RPS5: variants seen among roughly 807,000 people sequenced by gnomAD.
RPS5 encodes the protein small ribosomal subunit protein uS7.
Under a neutral mutation model 20.9 loss-of-function variants are expected in RPS5, and 2 were observed. That is an observed-to-expected ratio of 0.10 (90% CI 0.04 to 0.30). The LOEUF (loss-of-function observed/expected upper bound fraction) is 0.30. Ranked by LOEUF, RPS5 falls within the 10% of genes least tolerant of loss-of-function variation. RPS5 has a pLI of 1.00. For missense variants in RPS5, 122 were observed against 287.2 expected (o/e 0.42, Z 4.16); for synonymous variants, 112 against 105.8 (o/e 1.06, Z -0.36).
At chr19:58,394,179 T>A in intron 4 of RPS5, 1 of 313,502 alleles carries the variant, frequency 3.2e-6, no homozygotes, top group East Asian at 6.9e-5. Context: ...TCAAACTCCC[T>A]GCCAAAGTGT....
chr19:58,388,271 T>C, intron 2 of RPS5, 26 bp downstream of exon 2: 5 of 1,515,462 alleles, frequency 3.3e-6, no homozygotes, highest in Non-Finnish European at 4.6e-6. Context: ...TGATTGGCCT[T>C]CCTGGCTGGG....
At position 58,393,883 on chromosome 19, in the gene RPS5, CGTT is replaced by C. The variant is rs973248342; in HGVS notation, c.447+400_447+402del. ...AGGAATTTATATTCACAGCAATAGT[CGTT>C]GTTCCATTTAGCATCTGTCCCCAGA... is the stretch of plus-strand genomic sequence containing the variant. On this transcript the variant is annotated intron_variant, in intron 4 of 5. Transcript: ENST00000196551. 11 of 194,862 alleles carry C rather than the reference CGTT, an allele frequency of 5.6e-5. No individual in the cohort carries two copies. The East Asian group carries it at 8.0e-4, about 14-fold the overall frequency. The allele number at this position is 194,862 out of a possible 1,614,324, so 12.1% of individuals were successfully genotyped here. A position where few individuals can be genotyped will look rare whatever the true frequency, so the allele number is the denominator to read the frequency against.
rs1353905715 is a variant in RPS5, at chr19:58,393,112, A to G, written c.245A>G (p.Asn82Ser). 2 of 1,614,272 alleles carry G rather than the reference A, an allele frequency of 1.2e-6. No individual in the cohort carries two copies. Among genetic ancestry groups the G allele is most frequent in the Non-Finnish European group, 1.7e-6 (2 of 1,180,046 alleles). ...AACTCCATGATGATGCACGGCCGCAACAACGGCAAGAAGCTCATGACTGTG... is the reference window on the plus strand; with the variant it reads ...AACTCCATGATGATGCACGGCCGCAGCAACGGCAAGAAGCTCATGACTGTG... ...LTNSMMMHGR[N>S]NGKKLMTVRI... The change falls in exon 3 of 6, where the codon AAC (asparagine) becomes AGC (serine). Residue 82 changes from asparagine (N) to serine (S), a missense_variant. Asn to Ser is a conservative substitution (Grantham distance 46). Coordinates refer to ENST00000196551, the MANE Select transcript of RPS5 (RefSeq NM_001009.4).
At chr19:58,393,567 C>T in intron 4 of RPS5, 80 bp downstream of exon 4, 4 of 1,524,188 alleles carry the variant, frequency 2.6e-6, no homozygotes, top group South Asian at 1.2e-5. Flanking sequence ...CAGGAAGGCT[C>T]CTCTCTGTCT....
intron 4 of RPS5, 188 bp downstream of exon 4, chr19:58,393,675 C>T: frequency 1.5e-6 from 1 of 649,972 alleles, no homozygotes; most frequent in Non-Finnish European, 2.6e-6. Flanking sequence ...TTCGGGAACA[C>T]ATTTGGCAGA....
At chr19:58,393,524 C>T (rs1298204381) in intron 4 of RPS5, 37 bp downstream of exon 4, 3 of 1,583,468 alleles carry the variant, frequency 1.9e-6, no homozygotes, top group South Asian at 1.1e-5. Flanking sequence ...AGGGTGGACA[C>T]AGCCACGGGA....
intron 2 of RPS5, chr19:58,388,521 C>T (rs1345168641): frequency 2.0e-6 from 1 of 507,412 alleles, no homozygotes; most frequent in Non-Finnish European, 3.5e-6. Context: ...ACATAACATC[C>T]AGTGTCATTC....
chr19:58,394,252 G>C (rs1599935543), intron 4 of RPS5: 1 of 527,304 alleles, frequency 1.9e-6, no homozygotes, highest in African/African-American at 1.9e-5. Context: ...CCGTCTAGCA[G>C]TTTGCTGTTG....
intron 2 of RPS5, among the ~76,000 whole-genome samples, chr19:58,391,637 A>C (rs2052364651): frequency 6.6e-6 from 1 of 151,140 alleles, no homozygotes; most frequent in African/African-American, 2.4e-5. Flanking sequence ...AAAACAAAAA[A>C]GTTCTCAGCC....
intron 2 of RPS5, 92 bp from the exon 3 acceptor site, chr19:58,392,884 G>A (rs756082801): frequency 1.6e-4 from 192 of 1,217,164 alleles, no homozygotes; most frequent in Admixed American, 2.4e-4. Context: ...GGACTACCCC[G>A]AATGGGTACT....
intron 4 of RPS5, 143 bp downstream of exon 4, chr19:58,393,630 C>T (rs938636558): frequency 2.1e-5 from 23 of 1,072,250 alleles, no homozygotes; most frequent in Non-Finnish European, 2.9e-5. Flanking sequence ...TGGATTCCCA[C>T]CCTGCATAGG....
rs1240155240 is a variant in RPS5, at chr19:58,388,252, G to A, written c.108+7G>A. ...CAATGACATTTCCCTGCAGGTGAGG[G>A]GAACTTGGTGATTGGCCTTCCTGGC... On this transcript the variant is annotated splice_region_variant and intron_variant, in intron 2 of 5. Transcript: ENST00000196551. 3.8e-6 allele frequency: 6 copies of A among 1,594,120 alleles called. No individual in the cohort carries two copies. The highest frequency in any genetic ancestry group is 5.2e-6 in the Non-Finnish European group (6 of 1,164,806).
chr19:58,392,684 G>A (rs758629919), intron 2 of RPS5, among the ~76,000 whole-genome samples: 60 of 151,766 alleles, frequency 4.0e-4, no homozygotes, highest in Non-Finnish European at 7.2e-4. Flanking sequence ...CCTATAGTGT[G>A]CAGGACAGCC....
intron 4 of RPS5, 80 bp downstream of exon 4, chr19:58,393,567 CCTCT>C (rs2052377672): frequency 6.6e-7 from 1 of 1,524,070 alleles, no homozygotes; most frequent in Non-Finnish European, 8.8e-7. Flanking sequence ...CAGGAAGGCT[CCTCT>C]CTGTCTGCAT....
intron 2 of RPS5, 76 bp downstream of exon 2, chr19:58,388,321 G>T: frequency 2.0e-6 from 2 of 1,021,920 alleles, no homozygotes; most frequent in Middle Eastern, 4.0e-4. Context: ...CAAACTTGTT[G>T]CTGTGCCATT....
chr19:58,388,576 G>A, intron 2 of RPS5: 1 of 353,028 alleles, frequency 2.8e-6, no homozygotes, highest in Non-Finnish European at 5.2e-6. Flanking sequence ...CTCCTAAAGA[G>A]ATGTTTTTTT....
rs368894713 is a variant in RPS5 at position 58,394,500 on chromosome 19, A to G, written c.451A>G (p.Ile151Val). The change falls in exon 5 of 6, where the codon ATC (isoleucine) becomes GTC (valine). Residue 151 changes from isoleucine to valine, a missense_variant. Ile to Val is a conservative substitution (Grantham distance 29). Coordinates refer to ENST00000196551, the MANE Select transcript of RPS5 (RefSeq NM_001009.4). ...CTGACCCCTGCTGTCTTCCTAGGCCATCTGGCTGCTGTGCACAGGCGCTCG... is the reference window on the plus strand; with the variant it reads ...CTGACCCCTGCTGTCTTCCTAGGCCGTCTGGCTGCTGTGCACAGGCGCTCG... ...VSPLRRVNQA[I>V]WLLCTGAREA... The G allele has an allele frequency of 6.2e-7, 1 of 1,613,896 alleles. No homozygotes were observed. Among genetic ancestry groups the G allele is most frequent in the Non-Finnish European group, 8.5e-7 (1 of 1,179,992 alleles).
Position 58,391,432 on chromosome 19 carries a change from C to CAAA in RPS5, c.109-1526_109-1524dup, listed in dbSNP as rs35576516. Among the ~76,000 whole-genome samples the CAAA allele has an allele frequency of 3.6e-4, 27 of 75,972 alleles. 1 individual carries two copies. Among genetic ancestry groups the CAAA allele is most frequent in the African/African-American group, 1.3e-3 (21 of 16,632 alleles). 49.8% of individuals were successfully genotyped at this position (75,972 alleles called of 152,430 possible). On this transcript the variant is annotated intron_variant, in intron 2 of 5. Coordinates refer to ENST00000196551, the MANE Select transcript of RPS5 (RefSeq NM_001009.4). ...GGCCAACAAGAGCGAAACTCCATCTCAAAAAAAAAAAAAAAAAAAACTGGG... is the reference window on the plus strand; with the variant it reads ...GGCCAACAAGAGCGAAACTCCATCTCAAAAAAAAAAAAAAAAAAAAAAACTGGG...
chr19:58,389,127 T>C (rs1220523756), intron 2 of RPS5, among the ~76,000 whole-genome samples: 7 of 152,240 alleles, frequency 4.6e-5, no homozygotes, highest in Admixed American at 1.3e-4. Context: ...ATTAAGAATT[T>C]TGTGGGCCTT....
Sources: gnomAD v4.1 joint callset for allele counts (sites outside exome capture counted in the v4.1 genomes callset) on GRCh38, gnomAD v4.1.1 for gene constraint, MANE v1.5 for transcripts, NCBI Gene and HGNC (gene_info 2026-07-23, HGNC 2026-07-21) for gene names.